Variants in PPFIA4 observed in about 807,000 individuals in gnomAD.
The protein encoded by PPFIA4 is PPFI scaffold protein A4.
A neutral mutation model predicts 145.7 loss-of-function variants in PPFIA4; 98 were observed. That is an observed-to-expected ratio of 0.67 (90% confidence interval 0.57 to 0.80). PPFIA4 has a LOEUF of 0.80. Among genes scored for constraint, PPFIA4 ranks in the 30% least tolerant of loss-of-function variants. PPFIA4 has a pLI of 0.00. For missense variants in PPFIA4, 1,457 were observed against 1,632.7 expected (o/e 0.89, Z 1.85); for synonymous variants, 628 against 649.6 (o/e 0.97, Z 0.51).
At chr1:203,064,499 C>T (rs1661596841) in intron 25 of PPFIA4, among the ~76,000 whole-genome samples, 2 of 152,194 alleles carry the variant, frequency 1.3e-5, no homozygotes, top group African/African-American at 2.4e-5. Context: ...AGGATATCAT[C>T]CAGTCCTCTC....
intron 12 of PPFIA4, 80 bp downstream of exon 12, chr1:203,049,060 C>T: frequency 7.4e-7 from 1 of 1,352,604 alleles, no homozygotes; most frequent in East Asian, 2.5e-5. Flanking sequence ...TTTAACGCTG[C>T]TGCTCTGATA....
In PPFIA4 at chr1:203,044,668, T is replaced by C. The variant is rs899290534; in HGVS notation, c.577-28T>C. On this transcript the variant is annotated intron_variant, in intron 5 of 29. Coordinates refer to ENST00000295706, the MANE Select transcript of PPFIA4 (RefSeq NM_001304331.2). Reference sequence around the variant, plus strand: ...TATGGGAGGTTCTCTTCTCTTTGACTCATTGCCCTGGGGCTTGTGCCCTAC... The same window carrying C: ...TATGGGAGGTTCTCTTCTCTTTGACCCATTGCCCTGGGGCTTGTGCCCTAC... The C allele has an allele frequency of 3.3e-6, 5 of 1,534,846 alleles. No individual in the cohort carries two copies. In the African/African-American group the frequency reaches 5.5e-5, roughly 17 times the overall value.
chr1:203,035,499 ACCC>A (rs5780135), intron 1 of PPFIA4: 1 of 440,298 alleles, frequency 2.3e-6, no homozygotes, highest in Non-Finnish European at 4.6e-6. Context: ...CCAATCCCCC[ACCC>A]CCACACACGC....
rs921506215 is a variant in PPFIA4, at chr1:203,060,085, C to T, written c.2584-132C>T. On this transcript the variant is annotated intron_variant, in intron 21 of 29. Transcript: ENST00000295706. The surrounding 1 kb of genome is among the most constrained non-coding windows in gnomAD (Gnocchi z 4.8). The stretch of plus-strand genomic sequence containing the variant: ...ATGGGAGAGTGAGGGGTTTGATGAC[C>T]GCCACATTCCTATGATCTGTATTTG... The T allele has an allele frequency of 5.7e-5, 50 of 884,344 alleles. No individual in the cohort carries two copies. Among genetic ancestry groups the T allele is most frequent in the African/African-American group, 2.7e-4 (16 of 59,946 alleles). 54.8% of individuals were successfully genotyped at this position (884,344 alleles called of 1,614,324 possible). A position where few individuals can be genotyped will look rare whatever the true frequency, so the allele number is the denominator to read the frequency against.
Position 203,060,187 on chromosome 1 carries a change from G to A in PPFIA4, c.2584-30G>A, listed in dbSNP as rs530547895. ...CTCTTGGTGGTAGGGCCCAGGCCTT[G>A]AATTACCTCCCTGTGCCCGGTGTCT... On this transcript the variant is annotated intron_variant, in intron 21 of 29. Transcript: ENST00000295706. This position sits in a 1 kb window ranked among gnomAD's most constrained non-coding sequence, Gnocchi z 4.8. The A allele has an allele frequency of 1.2e-4, 197 of 1,609,668 alleles. 1 individual carries two copies. The highest frequency in any genetic ancestry group is 1.5e-4 in the Non-Finnish European group (181 of 1,177,930).
At chr1:203,029,766 G>A (rs1002229124) in intron 1 of PPFIA4, among the ~76,000 whole-genome samples, 3 of 152,166 alleles carry the variant, frequency 2.0e-5, no homozygotes, top group Non-Finnish European at 4.4e-5. Flanking sequence ...TAGATGAAGT[G>A]AAAACTTCCC....
intron 1 of PPFIA4, among the ~76,000 whole-genome samples, chr1:203,030,318 T>C (rs532203597): frequency 6.6e-6 from 1 of 152,006 alleles, no homozygotes; most frequent in Non-Finnish European, 1.5e-5. Context: ...CAGCAGCTGC[T>C]TCAGAAGATG....
At chr1:203,069,486 C>T (rs867049733) in intron 27 of PPFIA4, among the ~76,000 whole-genome samples, 6 of 152,326 alleles carry the variant, frequency 3.9e-5, no homozygotes, top group African/African-American at 1.4e-4. Flanking sequence ...TCTCTCCAGA[C>T]GGAGTGTTCT....
chr1:203,027,220 G>A (rs1271562841), intron 1 of PPFIA4, among the ~76,000 whole-genome samples: 1 of 152,152 alleles, frequency 6.6e-6, no homozygotes, highest in Non-Finnish European at 1.5e-5. Context: ...TGGTGGGGGT[G>A]GGGACAGGGG....
At chr1:203,072,656 G>T (rs898296282) in intron 28 of PPFIA4, among the ~76,000 whole-genome samples, 1 of 152,164 alleles carries the variant, frequency 6.6e-6, no homozygotes, top group South Asian at 2.1e-4. Flanking sequence ...TGTGTTTTTC[G>T]CTGCTCTGTC....
chr1:203,033,614 C>T (rs1444083696), intron 1 of PPFIA4, among the ~76,000 whole-genome samples: 1 of 152,140 alleles, frequency 6.6e-6, no homozygotes, highest in African/African-American at 2.4e-5. Context: ...TTCCCAGGGT[C>T]ACCTGCATCA....
chr1:203,044,919 CT>C, intron 6 of PPFIA4, 134 bp downstream of exon 6: 2 of 777,018 alleles, frequency 2.6e-6, no homozygotes, highest in East Asian at 5.3e-5. Context: ...TCCCCCTTCT[CT>C]TTTCTTCTTC....
At chr1:203,073,796 A>G (rs1028516123) in intron 28 of PPFIA4, among the ~76,000 whole-genome samples, 1 of 152,094 alleles carries the variant, frequency 6.6e-6, no homozygotes, top group Non-Finnish European at 1.5e-5. Context: ...GAAGGTGGAA[A>G]TGGAGATAAG....
In PPFIA4 at chr1:203,055,673, G is replaced by T. The variant is rs1660890694; in HGVS notation, c.2070+1G>T. 1 of 1,613,500 alleles carries T rather than the reference G, an allele frequency of 6.2e-7. No homozygotes were observed. Among genetic ancestry groups the T allele is most frequent in the Non-Finnish European group, 8.5e-7 (1 of 1,179,632 alleles). ...GGACCGAATGGGGGTCATGACCCTG[G>T]TGAGAGGCAGCTGAGGAGCAGGCCT... is the stretch of plus-strand genomic sequence containing the variant. On this transcript the variant is annotated splice_donor_variant, in intron 16 of 29. Coordinates refer to ENST00000295706, the MANE Select transcript of PPFIA4 (RefSeq NM_001304331.2). LOFTEE classifies it high-confidence loss of function. The surrounding 1 kb of genome is among the most constrained non-coding windows in gnomAD (Gnocchi z 4.8).
rs754346554 is a variant in PPFIA4, at chr1:203,044,372, C to T, written c.502-7C>T. 5.1e-5 allele frequency: 79 copies of T among 1,550,704 alleles called. No individual in the cohort carries two copies. The East Asian group carries it at 8.3e-4, about 16-fold the overall frequency. On this transcript the variant is annotated splice_region_variant and splice_polypyrimidine_tract_variant and intron_variant, in intron 4 of 29. Transcript: ENST00000295706. Reference sequence around the variant, plus strand: ...TTTCTTCCTCCATCTCCCCTTACCTCGAGCAGGTGCGAGAGCGGCTCCGGG... The same window carrying T: ...TTTCTTCCTCCATCTCCCCTTACCTTGAGCAGGTGCGAGAGCGGCTCCGGG...
chr1:203,049,963 G>A (rs71635601), intron 13 of PPFIA4, among the ~76,000 whole-genome samples, 196 bp downstream of exon 13: 6,231 of 152,280 alleles, frequency 0.041, 186 homozygotes, highest in East Asian at 0.064. Context: ...CCTGTCCTCC[G>A]AGGGCTGCTG....
Position 203,039,261 on chromosome 1 carries a change from C to CGTCT in PPFIA4, c.234+20_234+23dup, listed in dbSNP as rs1558067884. ...CCCCCAGGTAAGGCCCGAAGGCCTGCGTCTCTCTTAACCCCTTTCCCTCCT... is the reference window on the plus strand; with the variant it reads ...CCCCCAGGTAAGGCCCGAAGGCCTGCGTCTGTCTCTCTTAACCCCTTTCCCTCCT... On this transcript the variant is annotated intron_variant, in intron 2 of 29. Coordinates refer to ENST00000295706, the MANE Select transcript of PPFIA4 (RefSeq NM_001304331.2). 1.0e-5 allele frequency: 16 copies of CGTCT among 1,536,410 alleles called. 1 individual carries two copies. In the South Asian group the frequency reaches 2.0e-4, roughly 19 times the overall value.
chr1:203,072,742 G>A (rs1662257349), intron 28 of PPFIA4, among the ~76,000 whole-genome samples: 1 of 152,168 alleles, frequency 6.6e-6, no homozygotes, highest in South Asian at 2.1e-4. Flanking sequence ...GCTCTGCCTC[G>A]GGGACACAGG....
chr1:203,034,316 C>T (rs939355923), intron 1 of PPFIA4, among the ~76,000 whole-genome samples: 5 of 151,952 alleles, frequency 3.3e-5, no homozygotes, highest in Non-Finnish European at 7.4e-5. Flanking sequence ...GTGAGCAGGG[C>T]TAGGGAAGGG....
Sources: allele counts gnomAD v4.1 joint callset (sites outside exome capture counted in the v4.1 genomes callset), GRCh38; gene constraint gnomAD v4.1.1; non-coding constraint Gnocchi (gnomAD v3.1); transcripts MANE v1.5; gene names NCBI Gene and HGNC (gene_info 2026-07-23, HGNC 2026-07-21).